The following CYFIP2 variants were observed in gnomAD, a reference collection of about 807,000 sequenced individuals.
CYFIP2 encodes cytoplasmic FMR1 interacting protein 2, also known as cytoplasmic FMR1-interacting protein 2.
Under a neutral mutation model 158.7 loss-of-function variants are expected in CYFIP2, and 29 were observed. The ratio of observed to expected loss-of-function variants is 0.18; its 90% CI spans 0.14 to 0.25. The LOEUF is 0.25. Among genes scored for constraint, CYFIP2 ranks in the 10% least tolerant of loss-of-function variants. The pLI, the probability that CYFIP2 is intolerant of heterozygous loss-of-function variation, is 1.00. For synonymous variants in CYFIP2, 585 were observed against 617.6 expected, an observed-to-expected ratio of 0.95 and a Z score of 0.78; for missense variants, 852 against 1,639.5, an observed-to-expected ratio of 0.52 and a Z score of 8.29.
intron 11 of CYFIP2, among the ~76,000 whole-genome samples, chr5:157,313,096 C>A (rs1759873119): frequency 1.3e-5 from 2 of 152,190 alleles, no homozygotes; most frequent in Non-Finnish European, 2.9e-5. Context: ...ATGCTCTATA[C>A]ATGTTGAGTC....
Position 157,311,402 on chromosome 5 carries a change from T to C in CYFIP2, c.993-262T>C, listed in dbSNP as rs998418997. 4.3e-5 allele frequency: 22 copies of C among 513,842 alleles called. No homozygotes were observed. Among genetic ancestry groups the C allele is most frequent in the Non-Finnish European group, 7.1e-5 (20 of 283,074 alleles). 31.8% of individuals were successfully genotyped at this position (513,842 alleles called of 1,614,324 possible). On this transcript the variant is annotated intron_variant, in intron 10 of 30. Coordinates refer to ENST00000620254, the MANE Select transcript of CYFIP2 (RefSeq NM_001037333.3). This position sits in a 1 kb window ranked among gnomAD's most constrained non-coding sequence, Gnocchi z 4.7. ...CCCCTCTCATATTACTGGTAAGTAT[T>C]ATGGACCAGGTATCTGGAAAGGCCT...
At chr5:157,307,937 A>C in intron 9 of CYFIP2, 72 bp downstream of exon 9, 1 of 841,478 alleles carries the variant, frequency 1.2e-6, no homozygotes, top group Non-Finnish European at 2.0e-6. Flanking sequence ...GGGGAAAGGG[A>C]TGAAATGAGC....
At chr5:157,382,779 C>A (rs758326494) in intron 27 of CYFIP2, 117 bp downstream of exon 27, 1 of 1,028,100 alleles carries the variant, frequency 9.7e-7, no homozygotes, top group Non-Finnish European at 1.4e-6. Flanking sequence ...CTTTGGACAC[C>A]TATTGAATAG....
At chr5:157,276,348 A>AT (rs1756543702) in intron 1 of CYFIP2, among the ~76,000 whole-genome samples, 2 of 151,978 alleles carry the variant, frequency 1.3e-5, no homozygotes, top group African/African-American at 4.8e-5. Flanking sequence ...AGGCGTTGAG[A>AT]TTTTGTCAAA....
intron 27 of CYFIP2, 67 bp from the exon 28 acceptor site, chr5:157,383,198 G>GT (rs1766303522): frequency 2.4e-5 from 34 of 1,429,838 alleles, no homozygotes; most frequent in Non-Finnish European, 3.3e-5. Context: ...TCCTTTGGGA[G>GT]TTTTTCCTTC....
chr5:157,364,669 G>C (rs1211811347), intron 26 of CYFIP2: 1 of 152,188 alleles, frequency 6.6e-6, no homozygotes, highest in Non-Finnish European at 1.5e-5. Flanking sequence ...TCCTCATTCT[G>C]CTTTCTACTT....
intron 26 of CYFIP2, among the ~76,000 whole-genome samples, chr5:157,367,811 G>C (rs1764556434): frequency 7.0e-6 from 1 of 142,866 alleles, no homozygotes; most frequent in African/African-American, 2.6e-5. Flanking sequence ...CTGGAGTGCA[G>C]TGGCATGATC....
intron 3 of CYFIP2, among the ~76,000 whole-genome samples, chr5:157,291,684 A>G (rs1483564382): frequency 2.0e-5 from 3 of 152,216 alleles, no homozygotes; most frequent in Admixed American, 6.5e-5. Flanking sequence ...GTTCTCAAGG[A>G]CAACATGTTA....
At chr5:157,350,075 T>C (rs1762967989) in intron 23 of CYFIP2, among the ~76,000 whole-genome samples, 1 of 152,224 alleles carries the variant, frequency 6.6e-6, no homozygotes, top group Non-Finnish European at 1.5e-5. Flanking sequence ...ACTCTGTGGG[T>C]TGTCTGTTTA....
Position 157,350,927 on chromosome 5 carries a change from C to T in CYFIP2, c.2674-8078C>T, listed in dbSNP as rs1056248565. Among the ~76,000 whole-genome samples the T allele has an allele frequency of 3.3e-5, 5 of 152,120 alleles. No homozygotes were observed. The South Asian group carries it at 8.3e-4, about 25-fold the overall frequency. ...GTTGAGTTCTTGATTTGATTCTCAG[C>T]TTGGTCGGTGTTGGTGTATAGCATG... On this transcript the variant is annotated intron_variant, in intron 23 of 30. Coordinates refer to ENST00000620254, the MANE Select transcript of CYFIP2 (RefSeq NM_001037333.3).
intron 8 of CYFIP2, among the ~76,000 whole-genome samples, chr5:157,306,430 C>T (rs138579640): frequency 6.6e-6 from 1 of 152,162 alleles, no homozygotes; most frequent in African/African-American, 2.4e-5. Flanking sequence ...TCCAGCCCCC[C>T]ATACCCGGAC....
chr5:157,301,789 G>T (rs1758772227), intron 6 of CYFIP2, among the ~76,000 whole-genome samples: 1 of 152,112 alleles, frequency 6.6e-6, no homozygotes, highest in Non-Finnish European at 1.5e-5. Flanking sequence ...CAAAAAAGAG[G>T]ACTGAAAGTG....
intron 28 of CYFIP2, among the ~76,000 whole-genome samples, chr5:157,386,928 A>T (rs1300069754): frequency 4.3e-4 from 12 of 27,710 alleles, no homozygotes; most frequent in African/African-American, 1.1e-3. Flanking sequence ...TCGAAGATTT[A>T]AAAAAAAAAA....
chr5:157,292,097 G>A (rs1757864332), intron 3 of CYFIP2, among the ~76,000 whole-genome samples: 1 of 151,974 alleles, frequency 6.6e-6, no homozygotes, highest in Non-Finnish European at 1.5e-5. Context: ...TATACTTTCT[G>A]TTTCTATGGA....
At chr5:157,347,783 G>A (rs1166390825) in intron 23 of CYFIP2, among the ~76,000 whole-genome samples, 1 of 152,234 alleles carries the variant, frequency 6.6e-6, no homozygotes, top group Non-Finnish European at 1.5e-5. Flanking sequence ...GAGAATGTGA[G>A]GCCTCCAAGC....
chr5:157,339,315 T>G (rs1052758219), intron 22 of CYFIP2, 59 bp downstream of exon 22: 2 of 1,483,120 alleles, frequency 1.3e-6, no homozygotes, highest in Admixed American at 1.7e-5. Context: ...GCCAGCTGCC[T>G]CCTCCAAACT....
intron 1 of CYFIP2, among the ~76,000 whole-genome samples, chr5:157,279,834 G>A (rs924262748): frequency 3.3e-5 from 5 of 152,194 alleles, no homozygotes; most frequent in African/African-American, 9.7e-5. Context: ...GGAAGATTGC[G>A]TAACAGGCAG....
At chr5:157,354,557 G>T (rs1362669625) in intron 23 of CYFIP2, among the ~76,000 whole-genome samples, 1 of 151,574 alleles carries the variant, frequency 6.6e-6, no homozygotes, top group Non-Finnish European at 1.5e-5. Flanking sequence ...CATGCGTGGG[G>T]TATATTTGGG....
At chr5:157,278,707 T>TG (rs1364982073) in intron 1 of CYFIP2, among the ~76,000 whole-genome samples, 1 of 152,210 alleles carries the variant, frequency 6.6e-6, no homozygotes, top group African/African-American at 2.4e-5. Context: ...GGAGAATTGT[T>TG]GGAGTATTTA....
Sources: gnomAD v4.1 joint callset for allele counts (sites outside exome capture counted in the v4.1 genomes callset) on GRCh38, gnomAD v4.1.1 for gene constraint, Gnocchi (gnomAD v3.1) non-coding constraint, MANE v1.5 for transcripts, NCBI Gene and HGNC (gene_info 2026-07-23, HGNC 2026-07-21) for gene names.